The following ENTREP2 variants were observed in gnomAD, a reference collection of about 807,000 sequenced individuals.
ENTREP2 encodes endosomal transmembrane epsin interactor 2, also known as protein ENTREP2.
the ENTREP2 span, among the ~76,000 whole-genome samples, chr15:29,585,281 G>A: frequency 6.6e-6 from 1 of 152,138 alleles, no homozygotes; most frequent in African/African-American, 2.4e-5. Flanking sequence ...TTTCAGAGAA[G>A]CACATCCATT....
At chr15:29,148,739 T>A in the ENTREP2 span, among the ~76,000 whole-genome samples, 4 of 152,086 alleles carry the variant, frequency 2.6e-5, no homozygotes, top group South Asian at 2.1e-4. Context: ...CTGTGTGGAG[T>A]GCCTCGTGGT....
chr15:29,248,477 G>C, the ENTREP2 span, among the ~76,000 whole-genome samples: 1 of 151,954 alleles, frequency 6.6e-6, no homozygotes, highest in East Asian at 1.9e-4. Flanking sequence ...TATATAAAGA[G>C]CTCTTATAAA....
At chr15:29,583,032 A>T in the ENTREP2 span, among the ~76,000 whole-genome samples, 1 of 152,196 alleles carries the variant, frequency 6.6e-6, no homozygotes, top group Admixed American at 6.5e-5. Context: ...GATCATGACC[A>T]AAATATATTG....
chr15:29,351,921 G>A, the ENTREP2 span, among the ~76,000 whole-genome samples: 6 of 151,844 alleles, frequency 4.0e-5, no homozygotes, highest in Non-Finnish European at 7.4e-5. Flanking sequence ...TTACATGCAC[G>A]AGCCACCACG....
the ENTREP2 span, among the ~76,000 whole-genome samples, chr15:29,258,229 A>AAG: frequency 1.3e-5 from 2 of 149,970 alleles, no homozygotes; most frequent in African/African-American, 4.9e-5. Context: ...AAAAAAAAAA[A>AAG]AAAAGAAAGA....
the ENTREP2 span, among the ~76,000 whole-genome samples, chr15:29,659,410 G>A: frequency 6.6e-6 from 1 of 152,304 alleles, no homozygotes; most frequent in South Asian, 2.1e-4. Flanking sequence ...AGCGGAGGTT[G>A]CAGTGAGCCG....
the ENTREP2 span, among the ~76,000 whole-genome samples, chr15:29,211,949 T>C: frequency 1.3e-5 from 2 of 152,192 alleles, no homozygotes; most frequent in African/African-American, 4.8e-5. Context: ...TTTTTGGTTA[T>C]GTCCTTTCCT....
chr15:29,124,833 CCTGTGA>C, the ENTREP2 span: 3 of 1,303,636 alleles, frequency 2.3e-6, no homozygotes, highest in Non-Finnish European at 3.2e-6. Flanking sequence ...TCATAACCCG[CCTGTGA>C]CTAAGACATT....
At chr15:29,282,266 G>C in the ENTREP2 span, among the ~76,000 whole-genome samples, 1 of 152,114 alleles carries the variant, frequency 6.6e-6, no homozygotes, top group Admixed American at 6.5e-5. Flanking sequence ...GGTTTCATAA[G>C]GGGAAACTCC....
chr15:29,438,486 C>A, the ENTREP2 span, among the ~76,000 whole-genome samples: 1 of 152,136 alleles, frequency 6.6e-6, no homozygotes, highest in South Asian at 2.1e-4. Flanking sequence ...CAAACCAGTT[C>A]CTGTTGTCAG....
At chr15:29,565,859 G>C in the ENTREP2 span, among the ~76,000 whole-genome samples, 3 of 151,872 alleles carry the variant, frequency 2.0e-5, no homozygotes, top group African/African-American at 7.3e-5. Context: ...TACTCGGGAG[G>C]CTGAGGCAGG....
At chr15:29,237,111 G>T in the ENTREP2 span, among the ~76,000 whole-genome samples, 1 of 152,140 alleles carries the variant, frequency 6.6e-6, no homozygotes, top group Non-Finnish European at 1.5e-5. Context: ...ACAAGCCAAA[G>T]AAGAAAAATT....
chr15:29,496,386 T>C, the ENTREP2 span, among the ~76,000 whole-genome samples: 1 of 151,456 alleles, frequency 6.6e-6, no homozygotes, highest in Non-Finnish European at 1.5e-5. Context: ...ATAAAATAAA[T>C]AAATAAAATA....
chr15:29,468,546 A>C, the ENTREP2 span, among the ~76,000 whole-genome samples: 1 of 147,066 alleles, frequency 6.8e-6, no homozygotes, highest in Non-Finnish European at 1.5e-5. Context: ...GGAGGCAGAG[A>C]TTGCAGTGAG....
the ENTREP2 span, among the ~76,000 whole-genome samples, chr15:29,238,902 A>T: frequency 6.6e-6 from 1 of 152,102 alleles, no homozygotes; most frequent in Non-Finnish European, 1.5e-5. Context: ...CCACCCCATG[A>T]TCCAATCACC....
chr15:29,442,315 T>G, the ENTREP2 span, among the ~76,000 whole-genome samples: 3 of 152,160 alleles, frequency 2.0e-5, no homozygotes, highest in Non-Finnish European at 4.4e-5. Context: ...GACTGGGTTG[T>G]GCCTCCAGCA....
the ENTREP2 span, among the ~76,000 whole-genome samples, chr15:29,487,862 T>C: frequency 7.7e-4 from 117 of 152,284 alleles, no homozygotes; most frequent in African/African-American, 2.7e-3. Context: ...CTGGCTAATT[T>C]TTCTATTTTT....
the ENTREP2 span, among the ~76,000 whole-genome samples, chr15:29,587,460 C>T: frequency 1.3e-5 from 2 of 152,096 alleles, no homozygotes; most frequent in African/African-American, 4.8e-5. Flanking sequence ...AATAAGAATA[C>T]TCATTGTAAG....
chr15:29,537,848 G>A, the ENTREP2 span, among the ~76,000 whole-genome samples: 6 of 152,100 alleles, frequency 3.9e-5, no homozygotes, highest in African/African-American at 4.8e-5. Flanking sequence ...ACTGCACTCC[G>A]CTGGCCTCCT....
Sources: gnomAD v4.1 joint callset for allele counts (sites outside exome capture counted in the v4.1 genomes callset) on GRCh38, gnomAD v4.1.1 for gene constraint, MANE v1.5 for transcripts, NCBI Gene and HGNC (gene_info 2026-07-23, HGNC 2026-07-21) for gene names.